The following CTNNA3 variants were observed in gnomAD, a reference collection of about 807,000 sequenced individuals.
The protein encoded by CTNNA3 is catenin alpha-3.
In CTNNA3, 76 loss-of-function variants were observed where a neutral mutation model predicts 95.7. The ratio of observed to expected loss-of-function variants is 0.79; its 90% CI spans 0.66 to 0.96. The LOEUF is 0.96. Ranked by LOEUF, CTNNA3 falls within the 40% of genes least tolerant of loss-of-function variation. The pLI, the probability that CTNNA3 is intolerant of heterozygous loss-of-function variation, is 0.00. For synonymous variants in CTNNA3, 431 were observed against 374.4 expected (o/e 1.15, Z -1.74); for missense variants, 1,191 against 1,089.8 (o/e 1.09, Z -1.31).
intron 10 of CTNNA3, among the ~76,000 whole-genome samples, chr10:66,603,230 A>T (rs1843996401): frequency 6.6e-6 from 1 of 152,164 alleles, no homozygotes. Context: ...AGATCAATAA[A>T]TTTAGCAAAG....
At chr10:67,298,402 C>T (rs1377587324) in intron 5 of CTNNA3, among the ~76,000 whole-genome samples, 7 of 152,152 alleles carry the variant, frequency 4.6e-5, no homozygotes, top group African/African-American at 1.7e-4. Flanking sequence ...TTTAGAATAA[C>T]CTGCTTTAGT....
Position 66,379,351 on chromosome 10 carries a change from T to C in CTNNA3, c.1533A>G (p.Glu511=), listed in dbSNP as rs1050514681. 12 of 1,613,046 alleles carry C rather than the reference T, an allele frequency of 7.4e-6. 1 individual carries two copies. Among genetic ancestry groups the C allele is most frequent in the Non-Finnish European group, 1.0e-5 (12 of 1,179,004 alleles). The change falls in exon 12 of 18, where the codon GAA becomes GAG. Residue 511 remains glutamate (E), a splice_region_variant and synonymous_variant. Transcript: ENST00000433211. ...TSIDDFLAVS[E]SHILEDVNKC... ...TGTTGACATCTTCCAAGATATGGCT[T>C]TCTGTAAGTAAATGAATCAAATTAG...
chr10:67,704,788 A>G (rs1472544605), intron 1 of CTNNA3, among the ~76,000 whole-genome samples: 1 of 152,214 alleles, frequency 6.6e-6, no homozygotes, highest in Non-Finnish European at 1.5e-5. Flanking sequence ...GGATCTAATT[A>G]AACTCAAGAG....
rs1184665364 is a variant in CTNNA3 at position 66,332,435 on chromosome 10, T to C, written c.1732+46717A>G. ...GATAATTTATTGAGAGTTTTTAGCATGAAGGGTGTAGATTTTGTCAAAGGC... is the reference window on the plus strand; with the variant it reads ...GATAATTTATTGAGAGTTTTTAGCACGAAGGGTGTAGATTTTGTCAAAGGC... On this transcript the variant is annotated intron_variant, in intron 12 of 17. Transcript: ENST00000433211. Among the ~76,000 whole-genome samples the C allele has an allele frequency of 8.5e-5, 9 of 106,072 alleles. No individual in the cohort carries two copies. The East Asian group carries it at 2.6e-3, about 30-fold the overall frequency. 69.6% of individuals were successfully genotyped at this position (106,072 alleles called of 152,430 possible). A position where few individuals can be genotyped will look rare whatever the true frequency, so the allele number is the denominator to read the frequency against.
intron 16 of CTNNA3, among the ~76,000 whole-genome samples, chr10:65,986,322 C>T (rs1410715677): frequency 1.7e-5 from 1 of 58,424 alleles, no homozygotes; most frequent in Non-Finnish European, 4.5e-5. Context: ...CCTAAAGGCT[C>T]TACCAAAAAA....
intron 7 of CTNNA3, among the ~76,000 whole-genome samples, chr10:66,923,249 A>G (rs12258954): frequency 6.6e-6 from 1 of 152,196 alleles, no homozygotes; most frequent in Non-Finnish European, 1.5e-5. Flanking sequence ...TAAATAATTC[A>G]AGAAGATTTA....
intron 7 of CTNNA3, among the ~76,000 whole-genome samples, chr10:66,895,338 C>T (rs1045473252): frequency 2.0e-5 from 3 of 152,118 alleles, no homozygotes; most frequent in Admixed American, 1.3e-4. Flanking sequence ...ATCCGTCAAA[C>T]ATTGGGTATC....
chr10:66,484,508 C>T (rs1258319674), intron 11 of CTNNA3, among the ~76,000 whole-genome samples: 3 of 151,330 alleles, frequency 2.0e-5, no homozygotes, highest in Non-Finnish European at 3.0e-5. Context: ...TAGTGTAGTC[C>T]CTTCTGAGAA....
chr10:66,176,377 A>C (rs926951824), intron 13 of CTNNA3, among the ~76,000 whole-genome samples: 1 of 152,138 alleles, frequency 6.6e-6, no homozygotes, highest in Admixed American at 6.6e-5. Context: ...ATATTTTTAA[A>C]TTACTGAAGT....
chr10:66,137,441 T>C (rs1486637160), intron 13 of CTNNA3, among the ~76,000 whole-genome samples: 2 of 151,964 alleles, frequency 1.3e-5, no homozygotes, highest in East Asian at 3.9e-4. Context: ...CCAAGAGGCA[T>C]GACAAGAAAA....
At chr10:67,308,186 G>T (rs1840635138) in intron 5 of CTNNA3, among the ~76,000 whole-genome samples, 1 of 152,090 alleles carries the variant, frequency 6.6e-6, no homozygotes, top group Non-Finnish European at 1.5e-5. Context: ...CAACATTCAA[G>T]AGACTAAATT....
At chr10:67,367,220 C>T (rs1183312844) in intron 5 of CTNNA3, among the ~76,000 whole-genome samples, 1 of 152,032 alleles carries the variant, frequency 6.6e-6, no homozygotes, top group African/African-American at 2.4e-5. Context: ...CTATAAGGAA[C>T]TTAGAAAATT....
chr10:67,163,079 C>G (rs979663308), intron 7 of CTNNA3, among the ~76,000 whole-genome samples: 2 of 151,908 alleles, frequency 1.3e-5, no homozygotes, highest in Non-Finnish European at 2.9e-5. Context: ...AACACCTGTT[C>G]TACCCAACCT....
At chr10:66,304,853 C>T (rs1401440606) in intron 12 of CTNNA3, among the ~76,000 whole-genome samples, 1 of 152,092 alleles carries the variant, frequency 6.6e-6, no homozygotes, top group Admixed American at 6.5e-5. Flanking sequence ...AGGTTAAGTA[C>T]ATAGATATTT....
At chr10:67,221,299 T>C (rs776878764) in intron 5 of CTNNA3, among the ~76,000 whole-genome samples, 45 of 152,102 alleles carry the variant, frequency 3.0e-4, no homozygotes, top group Non-Finnish European at 5.1e-4. Context: ...TACTCCCAAA[T>C]AAAAGCTTAA....
intron 5 of CTNNA3, among the ~76,000 whole-genome samples, chr10:67,474,038 C>T (rs771310604): frequency 2.0e-5 from 3 of 152,156 alleles, no homozygotes; most frequent in Non-Finnish European, 2.9e-5. Flanking sequence ...CTTTACCCCT[C>T]CTCATTGAGT....
chr10:66,298,246 T>C (rs191322230), intron 12 of CTNNA3, among the ~76,000 whole-genome samples: 57 of 152,244 alleles, frequency 3.7e-4, no homozygotes, highest in African/African-American at 1.3e-3. Context: ...AAACTTTCAT[T>C]TTGAACACAT....
intron 7 of CTNNA3, among the ~76,000 whole-genome samples, chr10:66,828,271 C>T (rs1333424478): frequency 6.6e-6 from 1 of 152,204 alleles, no homozygotes; most frequent in African/African-American, 2.4e-5. Context: ...AACTGAATAG[C>T]AGACTCAGCA....
chr10:66,096,485 TA>T (rs2081390157), intron 14 of CTNNA3, among the ~76,000 whole-genome samples: 1 of 151,834 alleles, frequency 6.6e-6, no homozygotes, highest in Non-Finnish European at 1.5e-5. Flanking sequence ...CTAGAAAAAT[TA>T]AATGTTGTTT....
Sources: allele counts gnomAD v4.1 joint callset (sites outside exome capture counted in the v4.1 genomes callset), GRCh38; gene constraint gnomAD v4.1.1; transcripts MANE v1.5; gene names NCBI Gene and HGNC (gene_info 2026-07-23, HGNC 2026-07-21).